FGF14: variants seen among roughly 807,000 people sequenced by gnomAD.
FGF14 encodes the protein fibroblast growth factor homologous factor 4.
A neutral mutation model predicts 25.5 loss-of-function variants in FGF14; 5 were observed. That is an observed-to-expected ratio of 0.20 (90% CI 0.10 to 0.41). FGF14 has a LOEUF of 0.41. Ranked by LOEUF, FGF14 falls within the 10% of genes least tolerant of loss-of-function variation. FGF14 has a pLI of 1.00. For synonymous variants in FGF14, 138 were observed against 118.3 expected (o/e 1.17, Z -1.08); for missense variants, 222 against 320.1 (o/e 0.69, Z 2.34).
intron 3 of FGF14, among the ~76,000 whole-genome samples, chr13:101,751,427 G>A (rs1186990885): frequency 2.0e-5 from 3 of 152,102 alleles, no homozygotes; most frequent in African/African-American, 7.2e-5. Context: ...GGAGGATGTT[G>A]GTCTGGAGGC....
chr13:101,746,859 G>T (rs149881300), intron 3 of FGF14, among the ~76,000 whole-genome samples: 441 of 152,036 alleles, frequency 2.9e-3, no homozygotes, highest in Non-Finnish European at 5.2e-3. Flanking sequence ...CATAATTCTG[G>T]TATACTTTAG....
rs185731872 is a variant in FGF14 at position 102,109,244 on chromosome 13, T to C, written c.209-233948A>G. Among the ~76,000 whole-genome samples the C allele has an allele frequency of 3.3e-5, 5 of 152,316 alleles. No individual in the cohort carries two copies. In the East Asian group the frequency reaches 7.7e-4, roughly 24 times the overall value. On this transcript the variant is annotated intron_variant, in intron 1 of 4. Coordinates refer to the FGF14 transcript ENST00000376131. ...AAAATCTCATGGAAGCAGAGTAGAC[T>C]GGTAATTACCAGGGATTGGCTGGGG...
chr13:101,838,607 G>A (rs542478924), intron 3 of FGF14, among the ~76,000 whole-genome samples: 52 of 152,120 alleles, frequency 3.4e-4, no homozygotes, highest in African/African-American at 1.2e-3. Context: ...TTACCCTCCT[G>A]TTCTTATAAG....
rs562928988 is a variant in FGF14, at chr13:102,098,205, C to G, written c.209-222909G>C. Among the ~76,000 whole-genome samples the G allele has an allele frequency of 5.9e-5, 9 of 152,330 alleles. No individual in the cohort carries two copies. The South Asian group carries it at 1.7e-3, about 28-fold the overall frequency. ...AGCAACAAGAGTTTCCTTTCTACCTCCAGCACCCTGCATCTATGCAGAAAA... is the reference window on the plus strand; with the variant it reads ...AGCAACAAGAGTTTCCTTTCTACCTGCAGCACCCTGCATCTATGCAGAAAA... On this transcript the variant is annotated intron_variant, in intron 1 of 4. Transcript: ENST00000376131.
At chr13:102,064,928 C>G (rs1245675740) in intron 1 of FGF14, among the ~76,000 whole-genome samples, 1 of 151,868 alleles carries the variant, frequency 6.6e-6, no homozygotes, top group Non-Finnish European at 1.5e-5. Context: ...ACAAATCCCC[C>G]ACAGATACTG....
chr13:101,772,445 G>A (rs939440454), intron 3 of FGF14, among the ~76,000 whole-genome samples: 1 of 152,034 alleles, frequency 6.6e-6, no homozygotes, highest in Non-Finnish European at 1.5e-5. Context: ...CCATGTAGAA[G>A]AGATGATTAA....
intron 1 of FGF14, among the ~76,000 whole-genome samples, chr13:102,285,213 C>A (rs1302457082): frequency 6.6e-6 from 1 of 152,106 alleles, no homozygotes; most frequent in African/African-American, 2.4e-5. Context: ...GATTAATGTT[C>A]TTGGTACCTG....
chr13:101,868,558 C>A, intron 3 of FGF14, 167 bp downstream of exon 3: 1 of 654,916 alleles, frequency 1.5e-6, no homozygotes, highest in South Asian at 1.6e-5. Flanking sequence ...ACTCATATTA[C>A]TAAACACTGG....
intron 3 of FGF14, among the ~76,000 whole-genome samples, chr13:101,858,593 T>G (rs953323928): frequency 6.6e-6 from 1 of 152,064 alleles, no homozygotes; most frequent in Admixed American, 6.6e-5. Flanking sequence ...ACCTACCATG[T>G]ACCATTCACA....
intron 1 of FGF14, among the ~76,000 whole-genome samples, chr13:102,312,952 G>A (rs773565934): frequency 2.8e-4 from 43 of 152,164 alleles, no homozygotes; most frequent in Non-Finnish European, 5.3e-4. Flanking sequence ...AAGTCAAGTG[G>A]GGTAGAGAGG....
At chr13:102,245,794 T>G (rs1161503022) in intron 1 of FGF14, among the ~76,000 whole-genome samples, 2 of 152,104 alleles carry the variant, frequency 1.3e-5, no homozygotes, top group Non-Finnish European at 2.9e-5. Context: ...GATATGTTTT[T>G]AAAGTGTCAT....
At chr13:101,764,900 A>G (rs1053278818) in intron 3 of FGF14, among the ~76,000 whole-genome samples, 5 of 152,226 alleles carry the variant, frequency 3.3e-5, no homozygotes, top group African/African-American at 1.2e-4. Context: ...TAGCATTTTA[A>G]TATACCACTA....
At chr13:102,093,588 T>C (rs183909029) in intron 1 of FGF14, among the ~76,000 whole-genome samples, 27 of 152,120 alleles carry the variant, frequency 1.8e-4, no homozygotes, top group African/African-American at 6.3e-4. Flanking sequence ...CTCTCATGTT[T>C]CTGGTGTATT....
chr13:101,854,226 T>C (rs1190540151), intron 3 of FGF14, among the ~76,000 whole-genome samples: 4 of 152,242 alleles, frequency 2.6e-5, no homozygotes, highest in South Asian at 2.1e-4. Flanking sequence ...CAAGTATGTA[T>C]ATGCATTTAT....
chr13:102,105,561 G>C (rs760606341), intron 1 of FGF14, among the ~76,000 whole-genome samples: 1 of 152,134 alleles, frequency 6.6e-6, no homozygotes, highest in Non-Finnish European at 1.5e-5. Context: ...ACCTTCAATG[G>C]AGAGTTTTCT....
chr13:102,115,455 T>C (rs1214793300), intron 1 of FGF14, among the ~76,000 whole-genome samples: 1 of 152,204 alleles, frequency 6.6e-6, no homozygotes, highest in Non-Finnish European at 1.5e-5. Context: ...TCATTTTAAT[T>C]TGTATTTCTC....
intron 1 of FGF14, among the ~76,000 whole-genome samples, chr13:101,956,768 C>CAAA (rs372879439): frequency 0.098 from 12,016 of 122,336 alleles, 671 homozygotes; most frequent in Admixed American, 0.2. Context: ...TTCACTTTAC[C>CAAA]AAAAAAAAAA....
At position 102,068,169 on chromosome 13, in the gene FGF14, C is replaced by T. The variant is rs2042982586; in HGVS notation, c.209-192873G>A. On this transcript the variant is annotated intron_variant, in intron 1 of 4. Coordinates refer to the FGF14 transcript ENST00000376131. ...ATAAGAAATGCTAAAGGTAGTTCTT[C>T]AATCCAAAAGAAAATGACATTAACA... Among the ~76,000 whole-genome samples the T allele has an allele frequency of 2.6e-5, 4 of 152,286 alleles. No homozygotes were observed. The South Asian group carries it at 8.3e-4, about 32-fold the overall frequency.
chr13:102,006,727 C>CTTTTTTTTTTTTTT (rs774872814), intron 1 of FGF14, among the ~76,000 whole-genome samples: 2 of 61,966 alleles, frequency 3.2e-5, no homozygotes, highest in African/African-American at 7.2e-5. Context: ...AATCTTACTT[C>CTTTTTTTTTTTTTT]TTTTTTTTTT....
Sources: gnomAD v4.1 joint callset for allele counts (sites outside exome capture counted in the v4.1 genomes callset) on GRCh38, gnomAD v4.1.1 for gene constraint, MANE v1.5 for transcripts, NCBI Gene and HGNC (gene_info 2026-07-23, HGNC 2026-07-21) for gene names.